The following RNF175 variants were observed in gnomAD, a reference collection of about 807,000 sequenced individuals.
RNF175 encodes the protein ring finger protein 175.
In RNF175, 38 loss-of-function variants were observed where a neutral mutation model predicts 50.0. The observed-to-expected ratio is 0.76, with a 90% CI of 0.59 to 1.00. The LOEUF (loss-of-function observed/expected upper bound fraction) is 1.00. RNF175 is among the 50% of genes least tolerant of loss of function. The pLI is 0.00. For synonymous variants in RNF175, 155 were observed against 146.1 expected, an observed-to-expected ratio of 1.06 and a Z score of -0.44; for missense variants, 388 against 409.6, an observed-to-expected ratio of 0.95 and a Z score of 0.46.
chr4:153,719,403 A>G (rs761141872), intron 6 of RNF175, among the ~76,000 whole-genome samples: 1 of 152,000 alleles, frequency 6.6e-6, no homozygotes, highest in Non-Finnish European at 1.5e-5. Context: ...TTTCTACTTC[A>G]CATCTGGCTG....
chr4:153,718,218 G>GTTTTTTTTTTTTTTTTTTTT (rs1560770428), intron 6 of RNF175, among the ~76,000 whole-genome samples: 3 of 28,692 alleles, frequency 1.0e-4, no homozygotes, highest in Non-Finnish European at 3.1e-4. Context: ...AGTTTTTTTT[G>GTTTTTTTTTTTTTTTTTTTT]TTTGTTTGTT....
At chr4:153,729,717 T>G in intron 3 of RNF175, 1 of 985,186 alleles carries the variant, frequency 1.0e-6, no homozygotes, top group South Asian at 4.7e-5. Flanking sequence ...ATCTGAAGTC[T>G]TCTTAGAATT....
chr4:153,748,987 TGGAGAA>T (rs1393802297), intron 2 of RNF175, among the ~76,000 whole-genome samples: 1 of 152,254 alleles, frequency 6.6e-6, no homozygotes, highest in Non-Finnish European at 1.5e-5. Context: ...TCCCTAGATC[TGGAGAA>T]GGAGCAGCTG....
chr4:153,718,222 G>GTTTTTT lies in RNF175; in HGVS notation c.630+1961_630+1962insAAAAAA, dbSNP rs1460898288. Among the ~76,000 whole-genome samples, 104 of 37,506 alleles carry GTTTTTT rather than the reference G, an allele frequency of 2.8e-3. 26 individuals carry two copies. Among genetic ancestry groups the GTTTTTT allele is most frequent in the Non-Finnish European group, 3.1e-3 (44 of 14,142 alleles). 24.6% of individuals were successfully genotyped at this position (37,506 alleles called of 152,430 possible). ...CTTTCCTAAGGAGTTTTTTTTGTTTGTTTGTTTGTTTGTTTGTTTTTTTTT... is the reference window on the plus strand; with the variant it reads ...CTTTCCTAAGGAGTTTTTTTTGTTTGTTTTTTTTTGTTTGTTTGTTTGTTTTTTTTT... On this transcript the variant is annotated intron_variant, in intron 6 of 8. Transcript: ENST00000347063.
chr4:153,758,389 A>C (rs1203640107), intron 1 of RNF175, among the ~76,000 whole-genome samples: 2 of 152,158 alleles, frequency 1.3e-5, no homozygotes, highest in East Asian at 3.9e-4. Flanking sequence ...CTGTCTTGCC[A>C]TATGGGATTA....
intron 7 of RNF175, 106 bp downstream of exon 7, chr4:153,715,423 A>G: frequency 9.0e-7 from 1 of 1,112,290 alleles, no homozygotes; most frequent in Non-Finnish European, 1.3e-6. Flanking sequence ...GGGTTTGGGC[A>G]TGGAAGGTAA....
intron 1 of RNF175, among the ~76,000 whole-genome samples, chr4:153,754,221 C>T (rs541602274): frequency 6.6e-6 from 1 of 151,796 alleles, no homozygotes; most frequent in East Asian, 1.9e-4. Context: ...GTGAGTAGAC[C>T]TTGATTGGAG....
intron 5 of RNF175, chr4:153,720,522 T>G: frequency 2.2e-6 from 1 of 454,496 alleles, no homozygotes. Context: ...AAGGAATTCT[T>G]GAGATAGCCT....
intron 8 of RNF175, 148 bp downstream of exon 8, chr4:153,712,327 G>C (rs1234312450): frequency 3.3e-6 from 2 of 602,262 alleles, no homozygotes; most frequent in African/African-American, 3.7e-5. Context: ...GGAGAAAAGA[G>C]ACCATAAGTC....
intron 3 of RNF175, among the ~76,000 whole-genome samples, chr4:153,748,210 C>T (rs939106324): frequency 1.3e-5 from 2 of 152,194 alleles, no homozygotes; most frequent in African/African-American, 4.8e-5. Flanking sequence ...ACACCCTAAA[C>T]CATTTCTTTT....
At chr4:153,748,509 C>T in intron 3 of RNF175, 136 bp downstream of exon 3, 2 of 672,592 alleles carry the variant, frequency 3.0e-6, no homozygotes, top group East Asian at 3.3e-5. Flanking sequence ...AGTGAAATTG[C>T]ACTTGGTTGA....
intron 7 of RNF175, chr4:153,715,134 T>C (rs1737822819): frequency 3.4e-6 from 1 of 295,712 alleles, no homozygotes; most frequent in Non-Finnish European, 6.8e-6. Flanking sequence ...TGGGCTCCAC[T>C]TGGATAGTCT....
intron 8 of RNF175, 33 bp from the exon 9 acceptor site, chr4:153,710,522 C>T (rs1233354420): frequency 1.3e-6 from 2 of 1,598,166 alleles, no homozygotes; most frequent in African/African-American, 1.3e-5. Flanking sequence ...GTTCTATATA[C>T]AGCCAAGTAG....
chr4:153,737,128 G>C (rs889158555), intron 3 of RNF175, among the ~76,000 whole-genome samples: 13 of 152,160 alleles, frequency 8.5e-5, no homozygotes, highest in African/African-American at 2.9e-4. Context: ...CAAGTGCTGG[G>C]ATGACAGGTG....
intron 1 of RNF175, among the ~76,000 whole-genome samples, chr4:153,751,998 A>C (rs1290887380): frequency 6.6e-6 from 1 of 152,268 alleles, no homozygotes; most frequent in African/African-American, 2.4e-5. Flanking sequence ...AGAAGGCATC[A>C]TTACTGACCC....
intron 2 of RNF175, among the ~76,000 whole-genome samples, chr4:153,750,149 T>C (rs374049077): frequency 6.6e-6 from 1 of 152,212 alleles, no homozygotes; most frequent in Non-Finnish European, 1.5e-5. Flanking sequence ...TGGTTATCAT[T>C]ATCTTTCATC....
chr4:153,745,093 C>T (rs1190677075), intron 3 of RNF175, among the ~76,000 whole-genome samples: 2 of 152,174 alleles, frequency 1.3e-5, no homozygotes, highest in Non-Finnish European at 2.9e-5. Context: ...CTATAATGGC[C>T]ATTCCAAGAC....
At chr4:153,730,137 T>C (rs769409336) in intron 3 of RNF175, among the ~76,000 whole-genome samples, 5 of 152,212 alleles carry the variant, frequency 3.3e-5, no homozygotes, top group Non-Finnish European at 7.3e-5. Flanking sequence ...CCCTCTGCTA[T>C]TGACAGTAAA....
In RNF175 at chr4:153,722,773, AAAAAAAC is replaced by A. The variant is rs1738424838; in HGVS notation, c.509+571_509+577del. Among the ~76,000 whole-genome samples, 5 of 152,196 alleles carry A rather than the reference AAAAAAAC, an allele frequency of 3.3e-5. No homozygotes were observed. In the South Asian group the frequency reaches 1.0e-3, roughly 32 times the overall value. On this transcript the variant is annotated intron_variant, in intron 5 of 8. Transcript: ENST00000347063. Reference sequence around the variant, plus strand: ...GTAGGTGCATTTAATAAGTCAAAAAAAAAAAACACAACAAAAAACAGGTGAAATTAAT... The same window carrying A: ...GTAGGTGCATTTAATAAGTCAAAAAAACAACAAAAAACAGGTGAAATTAAT...
Sources: gnomAD v4.1 joint callset for allele counts (sites outside exome capture counted in the v4.1 genomes callset) on GRCh38, gnomAD v4.1.1 for gene constraint, MANE v1.5 for transcripts, NCBI Gene and HGNC (gene_info 2026-07-23, HGNC 2026-07-21) for gene names.